ASAP1: variants seen among roughly 807,000 people sequenced by gnomAD.
ASAP1 encodes the protein ArfGAP with SH3 domain, ankyrin repeat and PH domain 1.
ASAP1 carries 43 observed loss-of-function variants against 145.2 expected under a neutral mutation model. That is an observed-to-expected ratio of 0.30 (90% confidence interval 0.23 to 0.38). The LOEUF is 0.38. Ranked by LOEUF, ASAP1 falls within the 10% of genes least tolerant of loss-of-function variation. The pLI, the probability that ASAP1 is intolerant of heterozygous loss-of-function variation, is 1.00. For missense variants in ASAP1, 1,018 were observed against 1,355.3 expected, an observed-to-expected ratio of 0.75 and a Z score of 3.91; for synonymous variants, 546 against 515.5, an observed-to-expected ratio of 1.06 and a Z score of -0.80.
chr8:130,361,688 C>G, intron 2 of ASAP1: 1 of 1,534,062 alleles, frequency 6.5e-7, no homozygotes, highest in Non-Finnish European at 8.7e-7. Context: ...GGCCATAATC[C>G]TCTTTAAATT....
At chr8:130,116,769 T>G (rs2097556810) in intron 21 of ASAP1, 24 bp from the exon 22 acceptor site, 1 of 1,610,288 alleles carries the variant, frequency 6.2e-7, no homozygotes, top group Admixed American at 1.7e-5. Flanking sequence ...AAAATTAATT[T>G]GCATAATTAT....
chr8:130,072,205 G>A (rs1564927184), intron 27 of ASAP1, among the ~76,000 whole-genome samples: 1 of 152,202 alleles, frequency 6.6e-6, no homozygotes, highest in Admixed American at 6.5e-5. Context: ...GGAGTTTCCA[G>A]AAAGGGCTTG....
chr8:130,379,670 T>C (rs2138374549), intron 2 of ASAP1, among the ~76,000 whole-genome samples: 1 of 152,184 alleles, frequency 6.6e-6, no homozygotes, highest in Middle Eastern at 3.4e-3. Context: ...GAGTCAGAAG[T>C]GGTGTCAGAA....
intron 19 of ASAP1, 74 bp from the exon 20 acceptor site, chr8:130,118,320 C>T (rs1252907676): frequency 2.7e-5 from 39 of 1,459,938 alleles, no homozygotes; most frequent in Non-Finnish European, 3.6e-5. Flanking sequence ...ATATCAGTTG[C>T]CCCCAAGTAA....
At chr8:130,145,319 T>C (rs919517350) in intron 13 of ASAP1, among the ~76,000 whole-genome samples, 1 of 152,210 alleles carries the variant, frequency 6.6e-6, no homozygotes, top group African/African-American at 2.4e-5. Context: ...CTATGGCATA[T>C]GTTTTTTTCT....
At chr8:130,148,591 T>G (rs2097638641) in intron 13 of ASAP1, among the ~76,000 whole-genome samples, 1 of 152,194 alleles carries the variant, frequency 6.6e-6, no homozygotes, top group African/African-American at 2.4e-5. Flanking sequence ...AAACAGAATG[T>G]GACACTGGTT....
At chr8:130,162,645 CGT>C (rs369662578) in intron 11 of ASAP1, among the ~76,000 whole-genome samples, 2,640 of 151,948 alleles carry the variant, frequency 0.017, 32 homozygotes, top group East Asian at 0.052. Context: ...GGTGAAACCC[CGT>C]CTCTACTAAA....
rs950479181 is a variant in ASAP1 at position 130,168,845 on chromosome 8, T to C, written c.822+147A>G. The stretch of plus-strand genomic sequence containing the variant: ...TTGACCATCGATGACTTCTCTGACT[T>C]AAACTGAAGGGTTATCTGTCCTAGG... On this transcript the variant is annotated intron_variant, in intron 10 of 29. Coordinates refer to ENST00000518721, the MANE Select transcript of ASAP1 (RefSeq NM_018482.4). The C allele has an allele frequency of 1.4e-5, 7 of 510,176 alleles. No individual in the cohort carries two copies. In the African/African-American group the frequency reaches 1.4e-4, roughly 10 times the overall value. 31.6% of individuals were successfully genotyped at this position (510,176 alleles called of 1,614,324 possible).
intron 2 of ASAP1, among the ~76,000 whole-genome samples, chr8:130,368,452 AG>A (rs1331515471): frequency 6.6e-6 from 1 of 152,216 alleles, no homozygotes; most frequent in Non-Finnish European, 1.5e-5. Flanking sequence ...CCCTTCTTGT[AG>A]GAACTACTCC....
intron 8 of ASAP1, among the ~76,000 whole-genome samples, chr8:130,179,720 T>A (rs912357543): frequency 2.6e-5 from 4 of 152,116 alleles, no homozygotes; most frequent in African/African-American, 9.7e-5. Context: ...CATCAAAGAA[T>A]ATACCATAGG....
At chr8:130,127,824 G>T in intron 16 of ASAP1, 103 bp downstream of exon 16, 1 of 1,283,794 alleles carries the variant, frequency 7.8e-7, no homozygotes, top group Non-Finnish European at 1.1e-6. Context: ...GTGTATGTGA[G>T]TGTGTCCATA....
At chr8:130,382,949 C>G (rs1304476773) in intron 2 of ASAP1, among the ~76,000 whole-genome samples, 1 of 152,120 alleles carries the variant, frequency 6.6e-6, no homozygotes, top group Non-Finnish European at 1.5e-5. Context: ...AGAGTTGGGT[C>G]TCAGGGATGC....
At chr8:130,077,818 C>T (rs2097467142) in intron 26 of ASAP1, among the ~76,000 whole-genome samples, 1 of 152,140 alleles carries the variant, frequency 6.6e-6, no homozygotes, top group African/African-American at 2.4e-5. Context: ...TGAAATCCTC[C>T]TGTCTCTGGG....
At chr8:130,176,914 T>A (rs1344710740) in intron 9 of ASAP1, among the ~76,000 whole-genome samples, 1 of 152,176 alleles carries the variant, frequency 6.6e-6, no homozygotes, top group African/African-American at 2.4e-5. Context: ...GGTGTTGAAC[T>A]CCTGTAATCT....
chr8:130,250,516 G>A (rs1330083191), intron 3 of ASAP1, among the ~76,000 whole-genome samples: 1 of 152,140 alleles, frequency 6.6e-6, no homozygotes, highest in Non-Finnish European at 1.5e-5. Flanking sequence ...GAATACAAGT[G>A]GTAAGCCATT....
intron 13 of ASAP1, among the ~76,000 whole-genome samples, chr8:130,141,403 T>A (rs1001997631): frequency 6.6e-6 from 1 of 152,052 alleles, no homozygotes; most frequent in Non-Finnish European, 1.5e-5. Flanking sequence ...CCCTGCTCAC[T>A]CCCTGCAGAA....
chr8:130,325,900 T>C (rs1586834270), intron 3 of ASAP1, among the ~76,000 whole-genome samples: 1 of 152,172 alleles, frequency 6.6e-6, no homozygotes, highest in South Asian at 2.1e-4. Context: ...GTACTAAATA[T>C]GCCAGAAACG....
rs538111564 is a variant in ASAP1, at chr8:130,117,114, G to A, written c.1881-119C>T. On this transcript the variant is annotated intron_variant, in intron 20 of 29. Transcript: ENST00000518721. ...AATTTGAGACCTAATTATTATAATAGAGAAAATTATGATGTTTCTAACCTA... is the reference window on the plus strand; with the variant it reads ...AATTTGAGACCTAATTATTATAATAAAGAAAATTATGATGTTTCTAACCTA... 8.0e-6 allele frequency: 5 copies of A among 628,700 alleles called. No individual in the cohort carries two copies. In the African/African-American group the frequency reaches 9.2e-5, roughly 12 times the overall value. The allele number at this position is 628,700 out of a possible 1,614,324, so 38.9% of individuals were successfully genotyped here.
chr8:130,390,610 T>G (rs1446630970), intron 2 of ASAP1, among the ~76,000 whole-genome samples: 1 of 152,242 alleles, frequency 6.6e-6, no homozygotes, highest in African/African-American at 2.4e-5. Flanking sequence ...AGGTCTGTAT[T>G]CTCAGTGCCT....
Sources: allele counts gnomAD v4.1 joint callset (sites outside exome capture counted in the v4.1 genomes callset), GRCh38; gene constraint gnomAD v4.1.1; transcripts MANE v1.5; gene names NCBI Gene and HGNC (gene_info 2026-07-23, HGNC 2026-07-21).